ITGA9: variants seen among roughly 807,000 people sequenced by gnomAD.
ITGA9 encodes the protein integrin subunit alpha 9.
Under a neutral mutation model 127.8 loss-of-function variants are expected in ITGA9, and 56 were observed. That is an observed-to-expected ratio of 0.44 (90% CI 0.35 to 0.55). The LOEUF is 0.55. ITGA9 is among the 20% of genes least tolerant of loss of function. ITGA9 has a pLI of 0.00. For synonymous variants in ITGA9, 508 were observed against 514.5 expected, an observed-to-expected ratio of 0.99 and a Z score of 0.17; for missense variants, 1,196 against 1,347.1, an observed-to-expected ratio of 0.89 and a Z score of 1.76.
At chr3:37,627,894 C>A (rs918750400) in intron 15 of ITGA9, among the ~76,000 whole-genome samples, 12 of 152,174 alleles carry the variant, frequency 7.9e-5, no homozygotes, top group Non-Finnish European at 1.6e-4. Context: ...GATGCTTGGA[C>A]TGGATGGATA....
At chr3:37,586,034 G>A (rs1232524000) in intron 15 of ITGA9, among the ~76,000 whole-genome samples, 1 of 150,128 alleles carries the variant, frequency 6.7e-6, no homozygotes, top group Non-Finnish European at 1.5e-5. Context: ...GAGTGATGAT[G>A]GTGATGGTGG....
rs562579979 is a variant in ITGA9, at chr3:37,702,036, T to C, written c.2067+18021T>C. On this transcript the variant is annotated intron_variant, in intron 18 of 27. Transcript: ENST00000264741. The stretch of plus-strand genomic sequence containing the variant: ...AGTGTGGCTCAGGGCCCAGGGTGGG[T>C]TGGGGAAAAGGTGAGTTATTTAGCA... 1.1e-4 allele frequency among the ~76,000 whole-genome samples: 17 copies of C among 151,614 alleles called. No individual in the cohort carries two copies. The East Asian group carries it at 3.1e-3, about 28-fold the overall frequency.
chr3:37,544,084 C>T lies in ITGA9; in HGVS notation c.1689+1499C>T, dbSNP rs898042935. ...TTTATACCTGCTGGGGACAGGGCAT[C>T]TTCTCTCGGGCCTCTTCTTGCTAGG... On this transcript the variant is annotated intron_variant, in intron 15 of 27. Transcript: ENST00000264741. Among the ~76,000 whole-genome samples, 3 of 152,348 alleles carry T rather than the reference C, an allele frequency of 2.0e-5. No individual in the cohort carries two copies. The South Asian group carries it at 6.2e-4, about 32-fold the overall frequency.
At chr3:37,764,427 T>G (rs771956534) in intron 23 of ITGA9, among the ~76,000 whole-genome samples, 2 of 137,164 alleles carry the variant, frequency 1.5e-5, no homozygotes, top group Non-Finnish European at 3.0e-5. Context: ...TCCTAATAAT[T>G]TATCCGTATA....
intron 15 of ITGA9, among the ~76,000 whole-genome samples, chr3:37,600,948 T>G (rs1207071996): frequency 6.6e-6 from 1 of 152,204 alleles, no homozygotes; most frequent in Non-Finnish European, 1.5e-5. Flanking sequence ...AAGAGTAGGA[T>G]ATAGTAAAAT....
At chr3:37,614,758 T>C (rs1700057789) in intron 15 of ITGA9, among the ~76,000 whole-genome samples, 2 of 152,026 alleles carry the variant, frequency 1.3e-5, no homozygotes, top group East Asian at 3.8e-4. Context: ...ATGATTTGGC[T>C]CTCTGTTTGT....
At chr3:37,797,114 G>A (rs1575242359) in intron 26 of ITGA9, among the ~76,000 whole-genome samples, 1 of 152,048 alleles carries the variant, frequency 6.6e-6, no homozygotes, top group Non-Finnish European at 1.5e-5. Context: ...GATAACTTCA[G>A]CCCAGAAGTT....
intron 1 of ITGA9, among the ~76,000 whole-genome samples, chr3:37,454,114 A>G (rs895557192): frequency 2.0e-5 from 3 of 152,218 alleles, no homozygotes; most frequent in African/African-American, 7.2e-5. Flanking sequence ...TGCTGTGGAC[A>G]GCGGGCTGCT....
intron 17 of ITGA9, among the ~76,000 whole-genome samples, chr3:37,679,969 G>C (rs12491040): frequency 2.6e-5 from 4 of 152,030 alleles, no homozygotes; most frequent in East Asian, 1.9e-4. Flanking sequence ...GGGCACATGG[G>C]GGGTGGGGGG....
rs778501664 is a variant in ITGA9, at chr3:37,741,715, CCT to C, written c.2235-8_2235-7del. 2 of 1,607,544 alleles carry C rather than the reference CCT, an allele frequency of 1.2e-6. No individual in the cohort carries two copies. The highest frequency in any genetic ancestry group is 1.7e-6 in the Non-Finnish European group (2 of 1,175,244). ...GTGTTGGCCAGCGTTCATTCATTCT[CCT>C]CTCTCTGCACAGTGGCAACACGGAG... is the stretch of plus-strand genomic sequence containing the variant. On this transcript the variant is annotated splice_polypyrimidine_tract_variant and intron_variant, in intron 20 of 27. Coordinates refer to ENST00000264741, the MANE Select transcript of ITGA9 (RefSeq NM_002207.3).
intron 15 of ITGA9, chr3:37,585,684 G>A: frequency 7.8e-6 from 4 of 509,922 alleles, no homozygotes; most frequent in Admixed American, 5.9e-5. Context: ...GAAACTACAG[G>A]TGAAACGTAA....
intron 17 of ITGA9, among the ~76,000 whole-genome samples, chr3:37,665,955 G>A (rs563641048): frequency 1.3e-5 from 2 of 152,304 alleles, no homozygotes; most frequent in South Asian, 4.1e-4. Context: ...CCCTTCCAGA[G>A]AGCCCAGCTT....
At chr3:37,747,915 G>A (rs1018428666) in intron 22 of ITGA9, among the ~76,000 whole-genome samples, 5 of 151,874 alleles carry the variant, frequency 3.3e-5, no homozygotes, top group Admixed American at 2.6e-4. Context: ...TGGAGAGGGG[G>A]TCGGGTTTTA....
chr3:37,471,558 G>A (rs918809823), intron 2 of ITGA9, among the ~76,000 whole-genome samples: 2 of 152,168 alleles, frequency 1.3e-5, no homozygotes, highest in Non-Finnish European at 2.9e-5. Context: ...AGCACAGAGC[G>A]AGGTTGTGCA....
chr3:37,676,790 A>G (rs1700686457), intron 17 of ITGA9, among the ~76,000 whole-genome samples: 1 of 152,350 alleles, frequency 6.6e-6, no homozygotes, highest in Admixed American at 6.5e-5. Context: ...TGTGCCCTAC[A>G]CATATCTACT....
chr3:37,784,530 A>G (rs1485067970), intron 25 of ITGA9, among the ~76,000 whole-genome samples: 2 of 152,188 alleles, frequency 1.3e-5, no homozygotes, highest in Non-Finnish European at 2.9e-5. Flanking sequence ...GTTAAAAGCA[A>G]CTCATATGAA....
At chr3:37,622,984 G>A (rs1314613006) in intron 15 of ITGA9, among the ~76,000 whole-genome samples, 3 of 152,120 alleles carry the variant, frequency 2.0e-5, no homozygotes, top group Admixed American at 2.0e-4. Context: ...CTGTATGTCT[G>A]TTATGTTTAT....
chr3:37,563,215 G>A (rs538315431), intron 15 of ITGA9, among the ~76,000 whole-genome samples: 34 of 152,280 alleles, frequency 2.2e-4, no homozygotes, highest in African/African-American at 8.2e-4. Flanking sequence ...AAACAGTTGT[G>A]CAAAACAATT....
chr3:37,677,253 A>T (rs914294898), intron 17 of ITGA9, among the ~76,000 whole-genome samples: 4 of 152,218 alleles, frequency 2.6e-5, no homozygotes, highest in Admixed American at 6.5e-5. Flanking sequence ...TTTTGCTCAT[A>T]TCTCTCATAG....
Sources: allele counts gnomAD v4.1 joint callset (sites outside exome capture counted in the v4.1 genomes callset), GRCh38; gene constraint gnomAD v4.1.1; transcripts MANE v1.5; gene names NCBI Gene and HGNC (gene_info 2026-07-23, HGNC 2026-07-21).